Variants in AFF3 observed in about 807,000 individuals in gnomAD.
AFF3 encodes AF4/FMR2 family member 3.
In AFF3, 32 loss-of-function variants were observed where a neutral mutation model predicts 129.7. That is an observed-to-expected ratio of 0.25 (90% CI 0.19 to 0.33). The LOEUF (loss-of-function observed/expected upper bound fraction) is 0.33. AFF3 is among the 10% of genes least tolerant of loss of function. The pLI is 1.00. For synonymous variants in AFF3, 644 were observed against 635.4 expected, an observed-to-expected ratio of 1.01 and a Z score of -0.20; for missense variants, 1,373 against 1,592.0, an observed-to-expected ratio of 0.86 and a Z score of 2.34.
At chr2:99,900,618 T>C (rs1352235056) in intron 7 of AFF3, among the ~76,000 whole-genome samples, 1 of 152,172 alleles carries the variant, frequency 6.6e-6, no homozygotes, top group Non-Finnish European at 1.5e-5. Context: ...CTGTACCTCC[T>C]GCGGGCTGGT....
At chr2:100,038,313 A>T (rs558157484) in intron 4 of AFF3, among the ~76,000 whole-genome samples, 1 of 151,648 alleles carries the variant, frequency 6.6e-6, no homozygotes, top group South Asian at 2.1e-4. Context: ...CCCCAACCCC[A>T]TTCACTTTGG....
chr2:99,695,089 C>A (rs920935887), intron 11 of AFF3, among the ~76,000 whole-genome samples: 1 of 152,080 alleles, frequency 6.6e-6, no homozygotes, highest in Non-Finnish European at 1.5e-5. Flanking sequence ...AATATGTTGT[C>A]CAAATACTGC....
intron 21 of AFF3, among the ~76,000 whole-genome samples, chr2:99,559,353 G>C (rs1575348831): frequency 6.6e-6 from 1 of 152,222 alleles, no homozygotes; most frequent in East Asian, 1.9e-4. Context: ...CGGAAAGGAC[G>C]ACGCTGCCAC....
Position 99,744,083 on chromosome 2 carries a change from C to T in AFF3, c.1039+21G>A, listed in dbSNP as rs371095272. 2.0e-5 allele frequency: 31 copies of T among 1,580,894 alleles called. No individual in the cohort carries two copies. In the African/African-American group the frequency reaches 2.3e-4, roughly 12 times the overall value. On this transcript the variant is annotated intron_variant, in intron 10 of 24. Coordinates refer to ENST00000672756, the MANE Select transcript of AFF3 (RefSeq NM_001386135.1). ...CACCCCCTGCTCCCCAGATGAAACTCCAGAGCGAAGTCTTTCTTACTTGGA... is the reference window on the plus strand; with the variant it reads ...CACCCCCTGCTCCCCAGATGAAACTTCAGAGCGAAGTCTTTCTTACTTGGA...
intron 8 of AFF3, among the ~76,000 whole-genome samples, chr2:99,791,359 A>G (rs1685175334): frequency 6.6e-6 from 1 of 152,202 alleles, no homozygotes; most frequent in African/African-American, 2.4e-5. Flanking sequence ...TTAATAAATA[A>G]TCCCTAGGTT....
Position 100,137,978 on chromosome 2 carries a change from T to C in AFF3, c.-228+4506A>G, listed in dbSNP as rs558993315. On this transcript the variant is annotated intron_variant, in intron 1 of 24. Coordinates refer to ENST00000672756, the MANE Select transcript of AFF3 (RefSeq NM_001386135.1). ...AATCAGAATGAGGATGCAGGAAGCA[T>C]GGGGTGGCCATCTGCCAGTTCTCCC... 2.6e-4 allele frequency among the ~76,000 whole-genome samples: 39 copies of C among 152,144 alleles called. 1 individual carries two copies. The highest frequency in any genetic ancestry group is 5.1e-4 in the Non-Finnish European group (35 of 68,020).
intron 4 of AFF3, among the ~76,000 whole-genome samples, chr2:100,033,146 C>T (rs1684645190): frequency 6.6e-6 from 1 of 152,168 alleles, no homozygotes; most frequent in Admixed American, 6.5e-5. Flanking sequence ...CTTGCCAAAT[C>T]TGGAAGCATG....
At chr2:99,930,784 G>C (rs980635628) in intron 7 of AFF3, among the ~76,000 whole-genome samples, 1 of 152,238 alleles carries the variant, frequency 6.6e-6, no homozygotes, top group African/African-American at 2.4e-5. Flanking sequence ...CTGGGACCCA[G>C]AGAGCTAGTC....
intron 8 of AFF3, among the ~76,000 whole-genome samples, chr2:99,772,483 A>G (rs1308079438): frequency 6.6e-6 from 1 of 152,210 alleles, no homozygotes; most frequent in African/African-American, 2.4e-5. Context: ...TCTCAGGGAG[A>G]GAAACAGAAA....
At chr2:99,817,247 G>C (rs910034292) in intron 8 of AFF3, among the ~76,000 whole-genome samples, 2 of 152,120 alleles carry the variant, frequency 1.3e-5, no homozygotes, top group Non-Finnish European at 1.5e-5. Context: ...AAACCTCCCC[G>C]GGTCTGCCAC....
At chr2:99,682,636 C>T (rs956921235) in intron 11 of AFF3, among the ~76,000 whole-genome samples, 3 of 152,188 alleles carry the variant, frequency 2.0e-5, no homozygotes, top group Non-Finnish European at 4.4e-5. Flanking sequence ...GGATAGTGTG[C>T]TGGGTTTTCT....
At chr2:99,967,601 C>T (rs769500577) in intron 7 of AFF3, among the ~76,000 whole-genome samples, 2 of 152,144 alleles carry the variant, frequency 1.3e-5, no homozygotes, top group African/African-American at 2.4e-5. Flanking sequence ...GCATTTACGC[C>T]ATGGAAACTG....
rs112807891 is a variant in AFF3 at position 99,926,533 on chromosome 2, C to T, written c.873+80099G>A. The stretch of plus-strand genomic sequence containing the variant: ...CATTACACATACATACATATAGGAC[C>T]GGGTAAATTAGAATACGGATTAGCT... On this transcript the variant is annotated intron_variant, in intron 7 of 24. Coordinates refer to ENST00000672756, the MANE Select transcript of AFF3 (RefSeq NM_001386135.1). Among the ~76,000 whole-genome samples, 720 of 152,234 alleles carry T rather than the reference C, an allele frequency of 4.7e-3. 3 individuals carry two copies. The highest frequency in any genetic ancestry group is 0.014 in the Middle Eastern group (4 of 294).
At chr2:99,692,768 T>G (rs983142225) in intron 11 of AFF3, among the ~76,000 whole-genome samples, 1 of 152,210 alleles carries the variant, frequency 6.6e-6, no homozygotes, top group African/African-American at 2.4e-5. Context: ...ACTTCTGGAC[T>G]GAGATGATGC....
Position 99,653,054 on chromosome 2 carries a change from C to T in AFF3, c.1144-3388G>A, listed in dbSNP as rs531654953. 7.9e-5 allele frequency among the ~76,000 whole-genome samples: 12 copies of T among 152,270 alleles called. No homozygotes were observed. The South Asian group carries it at 1.7e-3, about 21-fold the overall frequency. On this transcript the variant is annotated intron_variant, in intron 12 of 24. Coordinates refer to ENST00000672756, the MANE Select transcript of AFF3 (RefSeq NM_001386135.1). ...GCCAGCGCAGAGCATGCTGATAAAA[C>T]GCACCCAGCAGGCAACAGGTGGCAT...
At chr2:99,578,254 C>T in intron 18 of AFF3, 73 bp downstream of exon 18, 1 of 1,490,606 alleles carries the variant, frequency 6.7e-7, no homozygotes, top group Non-Finnish European at 8.9e-7. Flanking sequence ...CACCAAGGTG[C>T]CCATGCCCCT....
chr2:99,915,653 C>T (rs1695426807), intron 7 of AFF3, among the ~76,000 whole-genome samples: 1 of 152,090 alleles, frequency 6.6e-6, no homozygotes, highest in African/African-American at 2.4e-5. Flanking sequence ...ATTAATTAAT[C>T]CCACATTTTC....
At chr2:99,665,825 C>T (rs781153032) in intron 12 of AFF3, among the ~76,000 whole-genome samples, 2 of 152,072 alleles carry the variant, frequency 1.3e-5, no homozygotes, top group Non-Finnish European at 2.9e-5. Context: ...GGGGCAGGAC[C>T]CAAACCAGGA....
chr2:100,083,625 G>A (rs1345766145), intron 4 of AFF3, among the ~76,000 whole-genome samples: 1 of 152,176 alleles, frequency 6.6e-6, no homozygotes. Context: ...GCTGCTGCCA[G>A]AGCCACTTCC....
Sources: gnomAD v4.1 joint callset for allele counts (sites outside exome capture counted in the v4.1 genomes callset) on GRCh38, gnomAD v4.1.1 for gene constraint, MANE v1.5 for transcripts, NCBI Gene and HGNC (gene_info 2026-07-23, HGNC 2026-07-21) for gene names.